Variants in SEPTIN7 observed in about 807,000 individuals in gnomAD.
SEPTIN7 encodes the protein septin-7.
SEPTIN7 carries 10 observed loss-of-function variants against 63.3 expected under a neutral mutation model. That is an observed-to-expected ratio of 0.16 (90% CI 0.10 to 0.27). The LOEUF (loss-of-function observed/expected upper bound fraction) is 0.27, where lower values mean the gene tolerates loss of function less well. Among genes scored for constraint, SEPTIN7 ranks in the 10% least tolerant of loss-of-function variants. The pLI, the probability that SEPTIN7 is intolerant of heterozygous loss-of-function variation, is 1.00. For synonymous variants in SEPTIN7, 131 were observed against 165.3 expected (o/e 0.79, Z 1.59); for missense variants, 310 against 521.0 (o/e 0.59, Z 3.94).
chr7:35,810,689 T>TATGC, intron 1 of SEPTIN7, among the ~76,000 whole-genome samples: 1 of 152,268 alleles, frequency 6.6e-6, no homozygotes, highest in East Asian at 1.9e-4. Flanking sequence ...GACTCAGGGT[T>TATGC]ATGCTAGTGT....
downstream of SEPTIN7, among the ~76,000 whole-genome samples, chr7:35,907,986 C>T (rs374392667): frequency 6.6e-6 from 1 of 152,092 alleles, no homozygotes; most frequent in African/African-American, 2.4e-5. Context: ...GTTTTAGTGA[C>T]GGTTTATTTT....
intron 1 of SEPTIN7, among the ~76,000 whole-genome samples, chr7:35,813,226 G>A (rs1310481043): frequency 6.6e-6 from 1 of 152,120 alleles, no homozygotes; most frequent in Non-Finnish European, 1.5e-5. Context: ...AGCAGATACT[G>A]GAATTCAGAT....
chr7:35,915,270 T>TAC, the SEPTIN7 span, among the ~76,000 whole-genome samples: 77 of 151,432 alleles, frequency 5.1e-4, no homozygotes, highest in African/African-American at 1.7e-3. Context: ...TATATATATA[T>TAC]ACACACACAC....
At chr7:35,898,115 A>G (rs1788064144) in intron 11 of SEPTIN7, 133 bp from the exon 12 acceptor site, 1 of 585,162 alleles carries the variant, frequency 1.7e-6, no homozygotes, top group Non-Finnish European at 2.7e-6. Context: ...TGAAATATGG[A>G]AAGAAGTTCT....
At chr7:35,811,899 A>G (rs1212175421) in intron 1 of SEPTIN7, among the ~76,000 whole-genome samples, 1 of 151,990 alleles carries the variant, frequency 6.6e-6, no homozygotes, top group African/African-American at 2.4e-5. Context: ...GCAGGTGCCT[A>G]TAATCCCAGC....
intron 1 of SEPTIN7, among the ~76,000 whole-genome samples, chr7:35,802,781 G>T (rs2115614064): frequency 6.6e-6 from 1 of 152,262 alleles, no homozygotes; most frequent in Non-Finnish European, 1.5e-5. Flanking sequence ...CAGACTGCAA[G>T]GGAATGAGTA....
At chr7:35,841,746 G>A (rs899491548) in intron 3 of SEPTIN7, among the ~76,000 whole-genome samples, 2 of 152,206 alleles carry the variant, frequency 1.3e-5, no homozygotes, top group African/African-American at 2.4e-5. Flanking sequence ...CATGAAGGGA[G>A]CACATGTTAG....
At chr7:35,859,800 T>TTA (rs1344539244) in intron 3 of SEPTIN7, among the ~76,000 whole-genome samples, 1 of 152,212 alleles carries the variant, frequency 6.6e-6, no homozygotes, top group African/African-American at 2.4e-5. Context: ...TAGTGTGGCT[T>TTA]CTCTACCTTT....
chr7:35,883,786 A>AT (rs35686699), intron 8 of SEPTIN7, 105 bp from the exon 9 acceptor site: 168,619 of 417,782 alleles, frequency 0.4, 18,361 homozygotes, highest in Admixed American at 0.51. Context: ...TCGAAAGTAA[A>AT]TTTTTTTTTT....
At chr7:35,832,570 C>A (rs1783885495) in intron 2 of SEPTIN7, 3 of 354,002 alleles carry the variant, frequency 8.5e-6, no homozygotes, top group Non-Finnish European at 1.1e-5. Flanking sequence ...ATTTTTATTT[C>A]ATTCCCTTGG....
chr7:35,870,437 G>T (rs192371123), intron 4 of SEPTIN7, among the ~76,000 whole-genome samples: 1 of 152,314 alleles, frequency 6.6e-6, no homozygotes, highest in East Asian at 1.9e-4. Context: ...GATGATTCAT[G>T]TAGATTTACT....
chr7:35,864,233 T>C (rs911611657), intron 4 of SEPTIN7, among the ~76,000 whole-genome samples: 3 of 152,092 alleles, frequency 2.0e-5, no homozygotes, highest in African/African-American at 7.2e-5. Flanking sequence ...TCCCAAGGTA[T>C]ATGTGATCTG....
At chr7:35,821,885 T>C (rs914388500) in intron 1 of SEPTIN7, among the ~76,000 whole-genome samples, 1 of 152,144 alleles carries the variant, frequency 6.6e-6, no homozygotes, top group Non-Finnish European at 1.5e-5. Context: ...TTCAGATGAT[T>C]CTCCTGCCTC....
rs1786296402 is a variant in SEPTIN7, at chr7:35,873,655, T to C, written c.392T>C (p.Ile131Thr). Reference protein sequence around the residue: ...VDNSNCWQPVIDYIDSKFEDY... With the variant: ...VDNSNCWQPVTDYIDSKFEDY... ...GCGTTCTATAGCTGGCAGCCTGTTA[T>C]CGACTACATTGATAGTAAATTTGAG... The change falls in exon 6 of 14, where the codon ATC becomes ACC. Residue 131 changes from isoleucine to threonine, a missense_variant. This residue lies in a region of SEPTIN7 where 255 missense variants were observed against 490.5 expected (regional missense o/e 0.52). Transcript: ENST00000350320. The C allele has an allele frequency of 2.5e-6, 4 of 1,609,634 alleles. No homozygotes were observed. The highest frequency in any genetic ancestry group is 4.5e-5 in the East Asian group (2 of 44,828).
intron 4 of SEPTIN7, 59 bp downstream of exon 4, chr7:35,863,717 CAT>C (rs1316886742): frequency 1.2e-6 from 1 of 867,514 alleles, no homozygotes; most frequent in Middle Eastern, 3.5e-4. Flanking sequence ...ACACAAAGCA[CAT>C]GTTGTAACTT....
chr7:35,805,418 T>A (rs776706709), intron 1 of SEPTIN7, among the ~76,000 whole-genome samples: 1 of 152,244 alleles, frequency 6.6e-6, no homozygotes, highest in Non-Finnish European at 1.5e-5. Context: ...TATTATTAGT[T>A]TCAATAGACA....
rs1255653313 is a variant in SEPTIN7, at chr7:35,832,852, T to C, written c.121T>C (p.Tyr41His). ...ATTTGCCAATCTCCCAAATCAAGTA[T>C]ACAGAAAATCGGTGAAGAGAGGTTT... The part of the protein sequence containing the change: ...VGFANLPNQV[Y>H]RKSVKRGFEF... The change falls in exon 3 of 14, where the codon TAC becomes CAC. Residue 41 changes from tyrosine to histidine, a missense_variant. Physicochemically the swap from Tyr to His is moderately conservative, Grantham distance 83. This residue lies in a region of SEPTIN7 where 255 missense variants were observed against 490.5 expected (regional missense o/e 0.52). Coordinates refer to ENST00000350320, the MANE Select transcript of SEPTIN7 (RefSeq NM_001788.6). 1.2e-6 allele frequency: 2 copies of C among 1,611,934 alleles called. No homozygotes were observed. The highest frequency in any genetic ancestry group is 1.7e-6 in the Non-Finnish European group (2 of 1,178,304).
intron 10 of SEPTIN7, 21 bp from the exon 11 acceptor site, chr7:35,890,647 C>G: frequency 6.9e-7 from 1 of 1,446,250 alleles, no homozygotes; most frequent in African/African-American, 1.5e-5. Flanking sequence ...GAAGCAAACT[C>G]TTGCTGTTTG....
chr7:35,901,830 TTTC>T (rs1305933859), intron 12 of SEPTIN7: 1 of 152,134 alleles, frequency 6.6e-6, no homozygotes, highest in East Asian at 1.9e-4. Context: ...CTAGAGACAT[TTTC>T]TTATGTTCCT....
Sources: allele counts gnomAD v4.1 joint callset (sites outside exome capture counted in the v4.1 genomes callset), GRCh38; gene constraint gnomAD v4.1.1; regional missense constraint gnomAD v4.1.1; transcripts MANE v1.5; gene names NCBI Gene and HGNC (gene_info 2026-07-23, HGNC 2026-07-21).